The following MYZAP variants were observed in gnomAD, a reference collection of about 807,000 sequenced individuals.
MYZAP encodes the protein myocardial zonula adherens protein, also known as GRINL1A complex locus upstream.
MYZAP carries 66 observed loss-of-function variants against 69.4 expected under a neutral mutation model. The observed-to-expected ratio is 0.95, with a 90% CI of 0.78 to 1.17. MYZAP has a LOEUF of 1.17. MYZAP is among the 50% of genes most tolerant of loss of function. The pLI, the probability that MYZAP is intolerant of heterozygous loss-of-function variation, is 0.00. For synonymous variants in MYZAP, 256 were observed against 205.9 expected, an observed-to-expected ratio of 1.24 and a Z score of -2.09; for missense variants, 611 against 556.2, an observed-to-expected ratio of 1.10 and a Z score of -0.99.
chr15:57,653,153 T>C (rs1281313240), intron 10 of MYZAP, among the ~76,000 whole-genome samples: 8 of 152,052 alleles, frequency 5.3e-5, no homozygotes, highest in African/African-American at 1.9e-4. Flanking sequence ...TGTGGTTGAG[T>C]TTTGCGATGT....
In MYZAP at chr15:57,632,534, A is replaced by G. The variant is rs1159096135; in HGVS notation, c.779A>G (p.His260Arg). ...EEKLQEEQRK[H>R]SAEKEALLEE... ...AAGCTGCAGGAAGAACAGAGGAAGC[A>G]CAGTGCTGAGAAGGAGGCTCTTTTG... The change falls in exon 7 of 13, where the codon CAC becomes CGC. Residue 260 changes from histidine to arginine, a missense_variant. By Grantham distance (29) the His-to-Arg change is conservative. Coordinates refer to ENST00000267853, the MANE Select transcript of MYZAP (RefSeq NM_001018100.5). 6.8e-6 allele frequency: 11 copies of G among 1,614,090 alleles called. No homozygotes were observed. Among genetic ancestry groups the G allele is most frequent in the Non-Finnish European group, 9.3e-6 (11 of 1,180,036 alleles).
chr15:57,593,725 C>T (rs1302152517), intron 1 of MYZAP, among the ~76,000 whole-genome samples: 3 of 152,116 alleles, frequency 2.0e-5, no homozygotes, highest in South Asian at 2.1e-4. Flanking sequence ...ACTCAGGGCT[C>T]GGGATCAGGC....
At chr15:57,597,673 G>A (rs997432215) in intron 1 of MYZAP, among the ~76,000 whole-genome samples, 1 of 152,206 alleles carries the variant, frequency 6.6e-6, no homozygotes, top group Non-Finnish European at 1.5e-5. Flanking sequence ...TGTTTTGTAT[G>A]CCTCTGAGCT....
intron 5 of MYZAP, among the ~76,000 whole-genome samples, chr15:57,629,088 C>CAAAAAAAAAAAAAAAAAAAAAAAA (rs1274144448): frequency 1.7e-5 from 2 of 115,082 alleles, no homozygotes; most frequent in Non-Finnish European, 3.5e-5. Context: ...GTCTCAAAAA[C>CAAAAAAAAAAAAAAAAAAAAAAAA]AAAAAAAAAA....
At chr15:57,667,882 C>T (rs1360922727) in intron 11 of MYZAP, among the ~76,000 whole-genome samples, 2 of 152,182 alleles carry the variant, frequency 1.3e-5, no homozygotes, top group African/African-American at 2.4e-5. Flanking sequence ...TCTATCACCC[C>T]ACCAAAGATT....
Position 57,646,277 on chromosome 15 carries a change from G to A in MYZAP, c.1119+6732G>A, listed in dbSNP as rs1034436641. 1.4e-5 allele frequency: 18 copies of A among 1,276,986 alleles called. No homozygotes were observed. In the African/African-American group the frequency reaches 1.5e-4, roughly 11 times the overall value. The allele number at this position is 1,276,986 out of a possible 1,614,324, so 79.1% of individuals were successfully genotyped here. A position where few individuals can be genotyped will look rare whatever the true frequency, so the allele number is the denominator to read the frequency against. The stretch of plus-strand genomic sequence containing the variant: ...CTTGTACACTCTCTGCTGGGAAGAG[G>A]TGGTATTTATCTATGATGAGCCAAT... On this transcript the variant is annotated intron_variant, in intron 10 of 12. Coordinates refer to ENST00000267853, the MANE Select transcript of MYZAP (RefSeq NM_001018100.5).
At position 57,593,188 on chromosome 15, in the gene MYZAP, G is replaced by GCATGCGCGCGCGCACACACA; in HGVS notation, c.75+1081_75+1082insTGCGCGCGCGCACACACACA. On this transcript the variant is annotated intron_variant, in intron 1 of 12. Coordinates refer to ENST00000267853, the MANE Select transcript of MYZAP (RefSeq NM_001018100.5). ...AGACACTTAGGTTGTGTACACAGGC[G>GCATGCGCGCGCGCACACACA]CACACACACACACACACACACACAC... Among the ~76,000 whole-genome samples the GCATGCGCGCGCGCACACACA allele has an allele frequency of 1.1e-4, 13 of 114,202 alleles. No individual in the cohort carries two copies. In the South Asian group the frequency reaches 3.1e-3, roughly 27 times the overall value. 74.9% of individuals were successfully genotyped at this position (114,202 alleles called of 152,430 possible).
intron 10 of MYZAP, among the ~76,000 whole-genome samples, chr15:57,641,126 G>C (rs536019509): frequency 2.0e-5 from 3 of 152,142 alleles, no homozygotes; most frequent in Non-Finnish European, 4.4e-5. Flanking sequence ...CTCACCACAG[G>C]GGGGTGTCTG....
At chr15:57,680,882 T>G (rs959526576) in intron 12 of MYZAP, 1 of 152,244 alleles carries the variant, frequency 6.6e-6, no homozygotes, top group African/African-American at 2.4e-5. Flanking sequence ...TTGCTGATTC[T>G]GCTATTGTTT....
chr15:57,648,267 A>G (rs2037552204), intron 10 of MYZAP: 1 of 985,190 alleles, frequency 1.0e-6, no homozygotes, highest in Non-Finnish European at 1.2e-6. Flanking sequence ...TTCGGTATTC[A>G]CAATATAAAT....
chr15:57,593,012 G>A (rs2033785620), intron 1 of MYZAP, among the ~76,000 whole-genome samples: 1 of 152,128 alleles, frequency 6.6e-6, no homozygotes, highest in Admixed American at 6.5e-5. Context: ...CTGCGTGCAG[G>A]CTTGGACCTG....
intron 8 of MYZAP, among the ~76,000 whole-genome samples, chr15:57,637,401 A>T (rs1414775949): frequency 2.0e-5 from 3 of 152,204 alleles, no homozygotes; most frequent in African/African-American, 7.2e-5. Flanking sequence ...AAGTATTGAT[A>T]ATCAGTATTT....
At position 57,669,906 on chromosome 15, in the gene MYZAP, T is replaced by C. The variant is rs77582230; in HGVS notation, c.1204-5062T>C. ...ATTTTTCTTTGATTTATGGATTATT[T>C]AGAGGCAGGTTATTTAATTTCCAAA... On this transcript the variant is annotated intron_variant, in intron 11 of 12. Coordinates refer to ENST00000267853, the MANE Select transcript of MYZAP (RefSeq NM_001018100.5). Among the ~76,000 whole-genome samples, 146 of 152,292 alleles carry C rather than the reference T, an allele frequency of 9.6e-4. 5 individuals carry two copies. In the East Asian group the frequency reaches 0.026, roughly 27 times the overall value.
chr15:57,608,038 G>A (rs2034867886), intron 2 of MYZAP, among the ~76,000 whole-genome samples: 1 of 152,226 alleles, frequency 6.6e-6, no homozygotes, highest in South Asian at 2.1e-4. Flanking sequence ...CTTTGAAGGG[G>A]CTTCTTCTGT....
rs770168590 is a variant in MYZAP, at chr15:57,674,954, T to A, written c.1204-14T>A. On this transcript the variant is annotated splice_polypyrimidine_tract_variant and intron_variant, in intron 11 of 12. Transcript: ENST00000267853. ...ATTTGACTTACTGAAAGTACCTTTTTTTCTCATCTCCAGAATAATGAACTA... is the reference window on the plus strand; with the variant it reads ...ATTTGACTTACTGAAAGTACCTTTTATTCTCATCTCCAGAATAATGAACTA... 6.2e-6 allele frequency: 10 copies of A among 1,603,950 alleles called. No individual in the cohort carries two copies. The highest frequency in any genetic ancestry group is 8.5e-6 in the Non-Finnish European group (10 of 1,175,916).
At chr15:57,643,818 C>A (rs1307645420) in intron 10 of MYZAP, among the ~76,000 whole-genome samples, 1 of 149,766 alleles carries the variant, frequency 6.7e-6, no homozygotes, top group Non-Finnish European at 1.5e-5. Context: ...CTTTTGATTT[C>A]CCTTTGCCAT....
At chr15:57,681,068 A>T (rs894965079) in intron 12 of MYZAP, among the ~76,000 whole-genome samples, 1 of 152,226 alleles carries the variant, frequency 6.6e-6, no homozygotes, top group Non-Finnish European at 1.5e-5. Flanking sequence ...AAAGATCGGG[A>T]TATGAGAGCC....
intron 11 of MYZAP, among the ~76,000 whole-genome samples, chr15:57,669,097 C>T (rs986243732): frequency 6.6e-6 from 1 of 151,892 alleles, no homozygotes; most frequent in African/African-American, 2.4e-5. Flanking sequence ...CCACGTTGCC[C>T]GGGCTGGTCT....
At chr15:57,631,428 G>T (rs1255364364) in intron 6 of MYZAP, among the ~76,000 whole-genome samples, 1 of 146,212 alleles carries the variant, frequency 6.8e-6, no homozygotes, top group African/African-American at 2.6e-5. Flanking sequence ...AGTTAAAAAG[G>T]TTTCTCCTAC....
Sources: gnomAD v4.1 joint callset for allele counts (sites outside exome capture counted in the v4.1 genomes callset) on GRCh38, gnomAD v4.1.1 for gene constraint, MANE v1.5 for transcripts, NCBI Gene and HGNC (gene_info 2026-07-23, HGNC 2026-07-21) for gene names.